PCDH11X: variants seen among roughly 807,000 people sequenced by gnomAD.
PCDH11X encodes protocadherin-11 X-linked.
Under a neutral mutation model 53.3 loss-of-function variants are expected in PCDH11X, and 18 were observed. The observed-to-expected ratio is 0.34, with a 90% CI of 0.23 to 0.50. The LOEUF (loss-of-function observed/expected upper bound fraction) is 0.50. PCDH11X is among the 20% of genes least tolerant of loss of function. The pLI is 0.98. For missense variants in PCDH11X, 570 were observed against 1,032.4 expected, an observed-to-expected ratio of 0.55 and a Z score of 6.14; for synonymous variants, 279 against 393.3, an observed-to-expected ratio of 0.71 and a Z score of 3.44.
In PCDH11X at chrX:92,547,682, A is replaced by G. The variant is rs767475534; in HGVS notation, c.3368-70582A>G. On this transcript the variant is annotated intron_variant, in intron 10 of 10. Transcript: ENST00000682573. Reference sequence around the variant, plus strand: ...GGTAAACATTTACCTTGAGAAAAAAATGATAGTTGTACATTTTTTTCTAAT... The same window carrying G: ...GGTAAACATTTACCTTGAGAAAAAAGTGATAGTTGTACATTTTTTTCTAAT... 3.0e-3 allele frequency among the ~76,000 whole-genome samples: 335 copies of G among 111,343 alleles called. 1 individual carries two copies. The highest frequency in any genetic ancestry group is 4.1e-3 in the Non-Finnish European group (217 of 53,054).
intron 6 of PCDH11X, among the ~76,000 whole-genome samples, chrX:91,899,179 C>T (rs995266085): frequency 5.4e-5 from 6 of 110,770 alleles, no homozygotes; most frequent in Non-Finnish European, 1.1e-4. Flanking sequence ...AGTCCCCAAA[C>T]CTCAACAGTA....
At chrX:91,858,303 C>T (rs1308942541) in intron 5 of PCDH11X, among the ~76,000 whole-genome samples, 1 of 111,140 alleles carries the variant, frequency 9.0e-6, no homozygotes, top group Non-Finnish European at 1.9e-5. Context: ...TCCTAGGCCT[C>T]CCAGCTTGTG....
At chrX:92,301,742 G>A (rs765186839) in intron 8 of PCDH11X, among the ~76,000 whole-genome samples, 1 of 106,008 alleles carries the variant, frequency 9.4e-6, no homozygotes, top group African/African-American at 3.6e-5. Flanking sequence ...TTCTTGTGTT[G>A]TCTTTGCCTG....
intron 6 of PCDH11X, among the ~76,000 whole-genome samples, chrX:92,108,702 C>A (rs2064437979): frequency 9.0e-6 from 1 of 111,583 alleles, no homozygotes; most frequent in Non-Finnish European, 1.9e-5. Flanking sequence ...CATAACCTCT[C>A]ATCCTTTGAA....
chrX:92,428,562 C>T lies in PCDH11X; in HGVS notation c.3344-39737C>T, dbSNP rs1392295541. Among the ~76,000 whole-genome samples the T allele has an allele frequency of 1.2e-4, 13 of 111,215 alleles. No individual in the cohort carries two copies. In the East Asian group the frequency reaches 3.7e-3, roughly 32 times the overall value. The stretch of plus-strand genomic sequence containing the variant: ...AGGACAGGTGGTTGAATGGCTAGCA[C>T]TCCATGAGCTTTATTCATGTATATT... On this transcript the variant is annotated intron_variant, in intron 9 of 10. Transcript: ENST00000682573.
chrX:91,961,363 G>GA (rs2061785406), intron 6 of PCDH11X, among the ~76,000 whole-genome samples: 1 of 107,733 alleles, frequency 9.3e-6, no homozygotes, highest in Admixed American at 1.0e-4. Context: ...ATACTCCAGT[G>GA]AAAAGCTGAA....
chrX:91,838,224 T>C (rs1937375013), intron 5 of PCDH11X, among the ~76,000 whole-genome samples: 2 of 112,166 alleles, frequency 1.8e-5, no homozygotes, highest in Admixed American at 1.9e-4. Context: ...CCTGCTGGCA[T>C]AATTTTAGCT....
At chrX:91,868,988 G>T (rs186117260) in intron 5 of PCDH11X, among the ~76,000 whole-genome samples, 2 of 111,499 alleles carry the variant, frequency 1.8e-5, no homozygotes, top group East Asian at 5.6e-4. Context: ...AATAGTAACG[G>T]TGAATTTTGT....
At chrX:92,232,294 G>A (rs867746304) in intron 7 of PCDH11X, among the ~76,000 whole-genome samples, 5 of 110,867 alleles carry the variant, frequency 4.5e-5, no homozygotes, top group Non-Finnish European at 5.7e-5. Context: ...AGAGGTGAGG[G>A]GAAGGCAAGG....
chrX:92,198,479 GC>G (rs2066335935), intron 6 of PCDH11X, among the ~76,000 whole-genome samples: 1 of 104,987 alleles, frequency 9.5e-6, no homozygotes, highest in African/African-American at 3.5e-5. Context: ...TCTCTCAGCA[GC>G]TTTGCAATTA....
chrX:91,824,562 A>C (rs1936833736), intron 4 of PCDH11X, among the ~76,000 whole-genome samples: 1 of 107,019 alleles, frequency 9.3e-6, no homozygotes, highest in Non-Finnish European at 1.9e-5. Flanking sequence ...TGGTTATTCT[A>C]GTTATACATT....
chrX:92,473,531 G>A (rs1423039117), intron 10 of PCDH11X, among the ~76,000 whole-genome samples: 6 of 110,655 alleles, frequency 5.4e-5, no homozygotes, highest in East Asian at 2.8e-4. Context: ...TTTAAGATGC[G>A]TCGTTAGGTT....
At chrX:92,382,383 T>C (rs1048576876) in intron 8 of PCDH11X, among the ~76,000 whole-genome samples, 13 of 111,261 alleles carry the variant, frequency 1.2e-4, no homozygotes, top group Non-Finnish European at 2.1e-4. Context: ...GAGCCTTCTC[T>C]AACATGATAC....
chrX:91,852,737 A>G (rs963322975), intron 5 of PCDH11X, among the ~76,000 whole-genome samples: 4 of 110,914 alleles, frequency 3.6e-5, no homozygotes, highest in Non-Finnish European at 7.5e-5. Flanking sequence ...GCCTCTACCA[A>G]ATAGATCTTA....
intron 6 of PCDH11X, among the ~76,000 whole-genome samples, chrX:91,902,476 G>T: frequency 1.0e-5 from 1 of 100,304 alleles, no homozygotes; most frequent in Middle Eastern, 5.1e-3. Context: ...TTTTCTGTGT[G>T]GTAATTTCAT....
chrX:92,033,253 G>T (rs991754387), intron 6 of PCDH11X, among the ~76,000 whole-genome samples: 10 of 109,779 alleles, frequency 9.1e-5, no homozygotes, highest in African/African-American at 2.6e-4. Flanking sequence ...TGGCCTCATA[G>T]AATGAATTTG....
intron 6 of PCDH11X, among the ~76,000 whole-genome samples, chrX:91,953,567 T>A (rs1209011596): frequency 9.0e-6 from 1 of 110,625 alleles, no homozygotes; most frequent in Non-Finnish European, 1.9e-5. Flanking sequence ...TTGTTATTGC[T>A]AATTCTCATT....
chrX:92,566,027 A>G (rs1457432315), intron 10 of PCDH11X, among the ~76,000 whole-genome samples: 3 of 111,254 alleles, frequency 2.7e-5, no homozygotes, highest in Non-Finnish European at 5.7e-5. Context: ...ATGTTAATGT[A>G]GTGAGTCTGA....
Position 91,872,613 on chromosome X carries a change from T to G in PCDH11X, c.541-4168T>G, listed in dbSNP as rs1216727060. ...CCTAGAGATATACACATAGAGAGTTTGCCCCTATACACAGAAATAAATAAT... is the reference window on the plus strand; with the variant it reads ...CCTAGAGATATACACATAGAGAGTTGGCCCCTATACACAGAAATAAATAAT... On this transcript the variant is annotated intron_variant, in intron 5 of 10. Transcript: ENST00000682573. Among the ~76,000 whole-genome samples, 3 of 107,994 alleles carry G rather than the reference T, an allele frequency of 2.8e-5. No homozygotes were observed. The East Asian group carries it at 8.8e-4, about 32-fold the overall frequency. 93.8% of individuals were successfully genotyped at this position (107,994 alleles called of 115,157 possible).
Sources: gnomAD v4.1 joint callset for allele counts (sites outside exome capture counted in the v4.1 genomes callset) on GRCh38, gnomAD v4.1.1 for gene constraint, MANE v1.5 for transcripts, NCBI Gene and HGNC (gene_info 2026-07-23, HGNC 2026-07-21) for gene names.